Variants in TRPM7 observed in about 807,000 individuals in gnomAD.
TRPM7 encodes the protein LTRPC ion channel family member 7.
Under a neutral mutation model 229.7 loss-of-function variants are expected in TRPM7, and 134 were observed. That is an observed-to-expected ratio of 0.58 (90% confidence interval 0.51 to 0.67). The LOEUF (loss-of-function observed/expected upper bound fraction) is 0.67, where lower values mean the gene tolerates loss of function less well. Ranked by LOEUF, TRPM7 falls within the 30% of genes least tolerant of loss-of-function variation. The pLI, the probability that TRPM7 is intolerant of heterozygous loss-of-function variation, is 0.00. For synonymous variants in TRPM7, 699 were observed against 715.2 expected (o/e 0.98, Z 0.36); for missense variants, 1,901 against 2,210.0 (o/e 0.86, Z 2.80).
chr15:50,592,652 T>C, intron 25 of TRPM7, 26 bp from the exon 26 acceptor site: 1 of 1,426,456 alleles, frequency 7.0e-7, no homozygotes. Context: ...AAGCTTTTTT[T>C]ACAAATGTGA....
Position 50,561,161 on chromosome 15 carries a change from C to G in TRPM7, c.*517G>C, listed in dbSNP as rs142905752. 3 of 153,000 alleles carry G rather than the reference C, an allele frequency of 2.0e-5. No individual in the cohort carries two copies. The highest frequency in any genetic ancestry group is 7.2e-5 in the African/African-American group (3 of 41,452). 9.5% of individuals were successfully genotyped at this position (153,000 alleles called of 1,614,324 possible). Reference sequence around the variant, plus strand: ...CTGTGAACCTAGAATTAGAACAAGTCATTTCCCTTCCCGTGGCCAACAAGC... The same window carrying G: ...CTGTGAACCTAGAATTAGAACAAGTGATTTCCCTTCCCGTGGCCAACAAGC... On this transcript the variant is annotated 3_prime_UTR_variant, in exon 39 of 39. Transcript: ENST00000646667.
intron 13 of TRPM7, among the ~76,000 whole-genome samples, chr15:50,616,406 C>T (rs767118246): frequency 6.6e-6 from 1 of 152,136 alleles, no homozygotes; most frequent in Non-Finnish European, 1.5e-5. Context: ...ATGGTCTTAA[C>T]GTCTCCCCCA....
chr15:50,632,848 T>A, intron 9 of TRPM7, 21 bp downstream of exon 9: 3 of 1,509,060 alleles, frequency 2.0e-6, no homozygotes, highest in Non-Finnish European at 1.8e-6. Context: ...GCTTTTTAAA[T>A]TTCTGCTGAA....
chr15:50,681,649 ATAT>A (rs1250791179), intron 1 of TRPM7, among the ~76,000 whole-genome samples: 1 of 152,220 alleles, frequency 6.6e-6, no homozygotes, highest in East Asian at 1.9e-4. Flanking sequence ...CAGGGTTGCT[ATAT>A]TATTGATGAC....
chr15:50,569,435 C>G (rs1040938207), intron 38 of TRPM7, among the ~76,000 whole-genome samples: 2 of 152,142 alleles, frequency 1.3e-5, no homozygotes, highest in Non-Finnish European at 2.9e-5. Context: ...CAAGTAAAGG[C>G]AAATACGTTA....
In TRPM7 at chr15:50,561,510, C is replaced by T; in HGVS notation, c.*168G>A. ...GCTCTATCCTATAGGGACTTTCTGA[C>T]TGATTAATCAGGTCAAAAGAATATT... is the stretch of plus-strand genomic sequence containing the variant. On this transcript the variant is annotated 3_prime_UTR_variant, in exon 39 of 39. Transcript: ENST00000646667. 1 of 656,688 alleles carries T rather than the reference C, an allele frequency of 1.5e-6. No individual in the cohort carries two copies. Among genetic ancestry groups the T allele is most frequent in the Non-Finnish European group, 2.5e-6 (1 of 406,808 alleles). 40.7% of individuals were successfully genotyped at this position (656,688 alleles called of 1,614,324 possible).
intron 12 of TRPM7, among the ~76,000 whole-genome samples, chr15:50,622,052 A>AC (rs1420985333): frequency 1.3e-5 from 2 of 152,176 alleles, no homozygotes; most frequent in Non-Finnish European, 2.9e-5. Context: ...ACAAAACAAA[A>AC]AAAAAGTATC....
intron 1 of TRPM7, among the ~76,000 whole-genome samples, chr15:50,671,840 G>A (rs1453500179): frequency 6.6e-6 from 1 of 151,996 alleles, no homozygotes; most frequent in Non-Finnish European, 1.5e-5. Context: ...TAACATCGCA[G>A]CCATCATAAG....
At chr15:50,677,520 C>T (rs933599458) in intron 1 of TRPM7, among the ~76,000 whole-genome samples, 7 of 151,862 alleles carry the variant, frequency 4.6e-5, no homozygotes, top group East Asian at 3.9e-4. Context: ...GCAGGCGGAT[C>T]GCAAGGTCAG....
chr15:50,628,872 T>G (rs958831868), intron 10 of TRPM7, among the ~76,000 whole-genome samples: 2 of 152,228 alleles, frequency 1.3e-5, no homozygotes, highest in Non-Finnish European at 2.9e-5. Context: ...TCTGTGCACA[T>G]ACAAGCTCAT....
At chr15:50,574,597 C>T in intron 35 of TRPM7, 40 bp downstream of exon 35, 2 of 1,574,192 alleles carry the variant, frequency 1.3e-6, no homozygotes, top group South Asian at 1.1e-5. Flanking sequence ...GGACTGCTAT[C>T]CATATAATAA....
At chr15:50,678,797 A>G (rs2062162019) in intron 1 of TRPM7, among the ~76,000 whole-genome samples, 1 of 152,166 alleles carries the variant, frequency 6.6e-6, no homozygotes. Context: ...TGGGAGGCCA[A>G]GGCAAGAGGA....
At chr15:50,567,765 C>T (rs1022815566) in intron 38 of TRPM7, among the ~76,000 whole-genome samples, 1 of 152,050 alleles carries the variant, frequency 6.6e-6, no homozygotes, top group South Asian at 2.1e-4. Flanking sequence ...TGACAAAATT[C>T]AATATCCATT....
At chr15:50,602,407 T>C (rs1015370183) in intron 21 of TRPM7, among the ~76,000 whole-genome samples, 1 of 152,102 alleles carries the variant, frequency 6.6e-6, no homozygotes, top group South Asian at 2.1e-4. Flanking sequence ...GGGGGAGGGA[T>C]AGCATTAGGA....
chr15:50,567,935 C>T (rs774414762), intron 38 of TRPM7, among the ~76,000 whole-genome samples: 3 of 151,806 alleles, frequency 2.0e-5, no homozygotes, highest in Admixed American at 1.3e-4. Context: ...AAAAATTAGC[C>T]GGGCGCGGTG....
In TRPM7 at chr15:50,631,451, A is replaced by G. The variant is rs1217392778; in HGVS notation, c.1170T>C (p.Asp390=). The G allele has an allele frequency of 3.7e-6, 6 of 1,610,690 alleles. No individual in the cohort carries two copies. Among genetic ancestry groups the G allele is most frequent in the South Asian group, 2.2e-5 (2 of 90,818 alleles). The change falls in exon 10 of 39, where the codon GAT becomes GAC. Residue 390 remains aspartate (D), a synonymous_variant. Transcript: ENST00000646667. ...VFHIGSDEHQ[D]IDVAILTALL... ...GTGCAGTAAGTATTGCTACATCTAT[A>G]TCTTGATGTTCATCTGACCCAATAT... is the stretch of plus-strand genomic sequence containing the variant.
intron 11 of TRPM7, among the ~76,000 whole-genome samples, chr15:50,625,560 C>T (rs940220012): frequency 6.6e-6 from 1 of 152,028 alleles, no homozygotes; most frequent in African/African-American, 2.4e-5. Context: ...CAGGTGTGTA[C>T]CCCTGACCCC....
chr15:50,667,849 T>C (rs146316798), intron 1 of TRPM7, among the ~76,000 whole-genome samples: 1 of 152,346 alleles, frequency 6.6e-6, no homozygotes, highest in Non-Finnish European at 1.5e-5. Context: ...ATAAAAATCA[T>C]ACAGGAAGCA....
chr15:50,611,420 TCA>T (rs771443476), intron 16 of TRPM7, 99 bp from the exon 17 acceptor site: 16 of 849,554 alleles, frequency 1.9e-5, no homozygotes, highest in East Asian at 1.1e-4. Flanking sequence ...TTTAATATTC[TCA>T]CACACACTTA....
Sources: gnomAD v4.1 joint callset for allele counts (sites outside exome capture counted in the v4.1 genomes callset) on GRCh38, gnomAD v4.1.1 for gene constraint, MANE v1.5 for transcripts, NCBI Gene and HGNC (gene_info 2026-07-23, HGNC 2026-07-21) for gene names.